Variants in KYAT1 observed in about 807,000 individuals in gnomAD.
KYAT1 encodes the protein kynurenine--oxoglutarate transaminase 1.
KYAT1 carries 47 observed loss-of-function variants against 52.4 expected under a neutral mutation model. That is an observed-to-expected ratio of 0.90 (90% CI 0.71 to 1.14). The LOEUF (loss-of-function observed/expected upper bound fraction) is 1.14, where lower values mean the gene tolerates loss of function less well. Among genes scored for constraint, KYAT1 ranks in the 50% most tolerant of loss-of-function variants. KYAT1 has a pLI of 0.00. For missense variants in KYAT1, 480 were observed against 557.9 expected, an observed-to-expected ratio of 0.86 and a Z score of 1.41; for synonymous variants, 212 against 209.6, an observed-to-expected ratio of 1.01 and a Z score of -0.10.
intron 1 of KYAT1, among the ~76,000 whole-genome samples, chr9:128,852,111 T>TA (rs1197837577): frequency 6.6e-6 from 1 of 152,146 alleles, no homozygotes; most frequent in African/African-American, 2.4e-5. Flanking sequence ...ATAAAATAGT[T>TA]AAAAAACTAT....
intron 1 of KYAT1, among the ~76,000 whole-genome samples, chr9:128,860,715 A>G (rs1835350936): frequency 6.6e-6 from 1 of 151,632 alleles, no homozygotes; most frequent in African/African-American, 2.4e-5. Flanking sequence ...GTCGCATTCC[A>G]CCATGCCTGG....
At chr9:128,843,196 A>T (rs1832512291) in intron 2 of KYAT1, among the ~76,000 whole-genome samples, 1 of 152,032 alleles carries the variant, frequency 6.6e-6, no homozygotes, top group South Asian at 2.1e-4. Context: ...AACAAAAAAC[A>T]CACACATACA....
At chr9:128,862,069 T>G (rs572756926) in intron 1 of KYAT1, among the ~76,000 whole-genome samples, 9 of 152,216 alleles carry the variant, frequency 5.9e-5, no homozygotes, top group Admixed American at 3.3e-4. Flanking sequence ...TCTCTGACAC[T>G]CTCCCCCACA....
At chr9:128,863,945 C>A (rs552519067) in intron 1 of KYAT1, among the ~76,000 whole-genome samples, 1 of 152,168 alleles carries the variant, frequency 6.6e-6, no homozygotes. Flanking sequence ...CTGCGCCTCA[C>A]CCCTTTTCTA....
intron 6 of KYAT1, 71 bp from the exon 7 acceptor site, chr9:128,836,993 G>C: frequency 6.4e-7 from 1 of 1,560,590 alleles, no homozygotes. Context: ...TACTCAGAGA[G>C]GTTAAAGAAC....
At chr9:128,859,745 T>G (rs1035257940) in intron 1 of KYAT1, among the ~76,000 whole-genome samples, 10 of 151,500 alleles carry the variant, frequency 6.6e-5, no homozygotes, top group Non-Finnish European at 1.3e-4. Context: ...GCCTCCCAGG[T>G]TCACACCATT....
intron 7 of KYAT1, 175 bp from the exon 8 acceptor site, chr9:128,836,248 T>TC (rs1831082040): frequency 1.6e-4 from 81 of 499,592 alleles, no homozygotes; most frequent in East Asian, 2.3e-4. Flanking sequence ...CTTCCTTCCT[T>TC]CTTTCTCTCT....
intron 1 of KYAT1, among the ~76,000 whole-genome samples, chr9:128,866,433 C>G (rs896678242): frequency 4.0e-5 from 6 of 151,452 alleles, no homozygotes; most frequent in Non-Finnish European, 5.9e-5. Context: ...AACCCTGTCT[C>G]TACTAAAATA....
At chr9:128,847,005 G>A in intron 1 of KYAT1, 1 of 727,600 alleles carries the variant, frequency 1.4e-6, no homozygotes, top group Non-Finnish European at 2.1e-6. Flanking sequence ...TACCTGCCCA[G>A]GGTCAGAAGA....
At chr9:128,878,188 G>T (rs2130857530) in intron 1 of KYAT1, among the ~76,000 whole-genome samples, 1 of 151,654 alleles carries the variant, frequency 6.6e-6, no homozygotes, top group African/African-American at 2.4e-5. Context: ...AGGCTGGAGT[G>T]CAGTGGCACA....
chr9:128,858,322 A>C (rs920777140), intron 1 of KYAT1, among the ~76,000 whole-genome samples: 7 of 145,746 alleles, frequency 4.8e-5, no homozygotes, highest in Non-Finnish European at 9.0e-5. Flanking sequence ...GCTTGAGCTC[A>C]GGAGGCAGAG....
At chr9:128,835,263 C>A in intron 11 of KYAT1, 60 bp downstream of exon 11, 2 of 1,445,500 alleles carry the variant, frequency 1.4e-6, no homozygotes, top group Middle Eastern at 1.7e-4. Context: ...GCCTGGGCAC[C>A]CTTGAGCAGC....
intron 3 of KYAT1, among the ~76,000 whole-genome samples, chr9:128,841,750 C>A (rs1358209481): frequency 6.7e-6 from 1 of 150,292 alleles, no homozygotes; most frequent in Admixed American, 6.6e-5. Context: ...GTAATCCCAG[C>A]ACTTTTGGAG....
At chr9:128,856,686 T>C (rs984769910) in intron 1 of KYAT1, among the ~76,000 whole-genome samples, 1 of 152,228 alleles carries the variant, frequency 6.6e-6, no homozygotes, top group Non-Finnish European at 1.5e-5. Flanking sequence ...ACAAAATGTT[T>C]ACAAGCAGTA....
At chr9:128,862,907 C>A (rs1181942925) in intron 1 of KYAT1, among the ~76,000 whole-genome samples, 1 of 152,094 alleles carries the variant, frequency 6.6e-6, no homozygotes, top group Non-Finnish European at 1.5e-5. Flanking sequence ...TCCCTGCAAC[C>A]TCCGCCTCCC....
chr9:128,847,459 G>A, intron 1 of KYAT1: 1 of 1,535,848 alleles, frequency 6.5e-7, no homozygotes, highest in Admixed American at 2.0e-5. Flanking sequence ...CAAGTGAGTG[G>A]GGCTCCAGCC....
At chr9:128,849,927 C>G (rs1195372251) in intron 1 of KYAT1, among the ~76,000 whole-genome samples, 3 of 147,026 alleles carry the variant, frequency 2.0e-5, no homozygotes, top group African/African-American at 7.5e-5. Context: ...CGTTGTTACC[C>G]AGGCTGGAGT....
intron 1 of KYAT1, among the ~76,000 whole-genome samples, chr9:128,879,037 G>A (rs918359237): frequency 1.3e-5 from 2 of 152,228 alleles, no homozygotes; most frequent in East Asian, 1.9e-4. Flanking sequence ...GAGGCCGGGC[G>A]CGGTGGCTCA....
chr9:128,881,141 C>T (rs1381109508), intron 1 of KYAT1, among the ~76,000 whole-genome samples: 1 of 152,138 alleles, frequency 6.6e-6, no homozygotes, highest in Non-Finnish European at 1.5e-5. Flanking sequence ...AGTGCAGCGG[C>T]GCGATCTCGG....
Sources: allele counts gnomAD v4.1 joint callset (sites outside exome capture counted in the v4.1 genomes callset), GRCh38; gene constraint gnomAD v4.1.1; transcripts MANE v1.5; gene names NCBI Gene and HGNC (gene_info 2026-07-23, HGNC 2026-07-21).